Variants in LTBP2 observed in about 807,000 individuals in gnomAD.
LTBP2 encodes latent-transforming growth factor beta-binding protein 2.
LTBP2 carries 103 observed loss-of-function variants against 210.6 expected under a neutral mutation model. The observed-to-expected ratio is 0.49, with a 90% CI of 0.42 to 0.58. The LOEUF is 0.58. LTBP2 is among the 20% of genes least tolerant of loss of function. The probability of loss-of-function intolerance (pLI) is 0.00; values close to 1 mark genes in which losing one functional copy is unlikely to be tolerated. For synonymous variants in LTBP2, 1,007 were observed against 1,015.0 expected (o/e 0.99, Z 0.15); for missense variants, 2,313 against 2,494.5 (o/e 0.93, Z 1.55).
intron 3 of LTBP2, among the ~76,000 whole-genome samples, chr14:74,578,562 C>G (rs1248824425): frequency 1.3e-5 from 2 of 152,160 alleles, no homozygotes; most frequent in African/African-American, 4.8e-5. Context: ...CCACCAGACT[C>G]TAATCCTCAG....
At chr14:74,556,867 C>A (rs914521280) in intron 3 of LTBP2, among the ~76,000 whole-genome samples, 4 of 152,082 alleles carry the variant, frequency 2.6e-5, no homozygotes, top group African/African-American at 9.7e-5. Flanking sequence ...ACTTTGTCTT[C>A]TGTTAAAATA....
chr14:74,573,255 CAG>C (rs543094698), intron 3 of LTBP2, among the ~76,000 whole-genome samples: 58 of 152,342 alleles, frequency 3.8e-4, no homozygotes, highest in African/African-American at 1.3e-3. Context: ...CCCTTACCCT[CAG>C]TGTCCTCATT....
Position 74,611,773 on chromosome 14 carries a change from C to T in LTBP2, c.172G>A (p.Gly58Ser). The T allele has an allele frequency of 6.2e-7, 1 of 1,609,774 alleles. No individual in the cohort carries two copies. The highest frequency in any genetic ancestry group is 8.5e-7 in the Non-Finnish European group (1 of 1,179,532). The change falls in exon 1 of 36, where the codon GGC becomes AGC. Residue 58 changes from glycine to serine, a missense_variant. By Grantham distance (56) the Gly-to-Ser change is moderately conservative (BLOSUM62 0). Coordinates refer to ENST00000261978, the MANE Select transcript of LTBP2 (RefSeq NM_000428.3). Reference protein sequence around the residue: ...GDANRLRRPGGSYPAAAAAKV... With the variant: ...GDANRLRRPGSSYPAAAAAKV... ...GCTGCAGCCGCTGCCGGGTAGCTGC[C>T]CCCAGGGCGCCGCAGTCGATTCGCG...
At chr14:74,578,647 A>T (rs891228858) in intron 3 of LTBP2, among the ~76,000 whole-genome samples, 1 of 152,216 alleles carries the variant, frequency 6.6e-6, no homozygotes, top group African/African-American at 2.4e-5. Flanking sequence ...CCTTCCTGCC[A>T]GCCAAGCCTG....
rs770223679 is a variant in LTBP2, at chr14:74,503,546, G to A, written c.4643C>T (p.Ser1548Phe). 1 of 1,613,744 alleles carries A rather than the reference G, an allele frequency of 6.2e-7. No homozygotes were observed. Among genetic ancestry groups the A allele is most frequent in the African/African-American group, 1.3e-5 (1 of 74,944 alleles). Residue 1548 changes from serine to phenylalanine, a missense_variant, in exon 32 of 36, where the codon TCC (serine) becomes TTC (phenylalanine). Around this residue, in one of 3 missense-constraint regions of LTBP2, gnomAD observed 443 missense variants for 501.4 expected, o/e 0.88. Transcript: ENST00000261978. ...ENGECVNTEG[S>F]FHCFCSPPLT... is the part of the protein sequence containing the mutation. ...CGGGGGGCTGCAGAAGCAGTGGAAG[G>A]AGCCCTCCGTGTTGACGCACTCGCC...
chr14:74,600,532 T>G (rs2088431994), intron 2 of LTBP2, among the ~76,000 whole-genome samples: 2 of 152,114 alleles, frequency 1.3e-5, no homozygotes, highest in African/African-American at 4.8e-5. Context: ...AACTCCAGTT[T>G]GGCAGAGAAT....
In LTBP2 at chr14:74,611,959, G is replaced by A; in HGVS notation, c.-15C>T. On this transcript the variant is annotated 5_prime_UTR_variant, in exon 1 of 36. Transcript: ENST00000261978. ...CGCGGCCTCATGGCGCGGGGCGGCT[G>A]GAGAGTGGTGCGCGCGGGCACCGCG... 7 of 1,555,642 alleles carry A rather than the reference G, an allele frequency of 4.5e-6. No individual in the cohort carries two copies. Among genetic ancestry groups the A allele is most frequent in the Non-Finnish European group, 6.0e-6 (7 of 1,157,594 alleles).
In LTBP2 at chr14:74,499,562, T is replaced by G. The variant is rs961005039; in HGVS notation, c.*1322A>C. On this transcript the variant is annotated 3_prime_UTR_variant, in exon 36 of 36. Coordinates refer to ENST00000261978, the MANE Select transcript of LTBP2 (RefSeq NM_000428.3). ...CACATGGAGCCTTGTTCATTTACAT[T>G]GCCATTCATCAGAGAAGTACGAAGT... is the stretch of plus-strand genomic sequence containing the variant. 1 of 228,498 alleles carries G rather than the reference T, an allele frequency of 4.4e-6. No homozygotes were observed. Among genetic ancestry groups the G allele is most frequent in the Non-Finnish European group, 8.7e-6 (1 of 115,086 alleles). 14.2% of individuals were successfully genotyped at this position (228,498 alleles called of 1,614,324 possible).
At chr14:74,600,415 T>C (rs369318362) in intron 2 of LTBP2, among the ~76,000 whole-genome samples, 1 of 151,994 alleles carries the variant, frequency 6.6e-6, no homozygotes, top group Non-Finnish European at 1.5e-5. Context: ...GCATCCTACC[T>C]CAGCATCCTG....
intron 8 of LTBP2, among the ~76,000 whole-genome samples, chr14:74,537,925 T>C (rs2087443660): frequency 6.6e-6 from 1 of 152,130 alleles, no homozygotes; most frequent in Non-Finnish European, 1.5e-5. Context: ...TGGCTAACTT[T>C]TGTATCTTTA....
chr14:74,505,431 C>G (rs778950166), intron 28 of LTBP2, among the ~76,000 whole-genome samples: 14 of 152,188 alleles, frequency 9.2e-5, no homozygotes, highest in Non-Finnish European at 1.3e-4. Flanking sequence ...CAGCAGGGAT[C>G]TGACCCCAGT....
chr14:74,555,633 A>T lies in LTBP2; in HGVS notation c.891T>A (p.Thr297=), dbSNP rs2087719056. The part of the protein sequence containing the change: ...PSQQHVGLSR[T]VRLHPTATAS... ...CCGTGGCAGTCGGGTGAAGTCGGAC[A>T]GTGCGGGACAACCCCACGTGCTGCT... Residue 297 remains threonine, a synonymous_variant, in exon 4 of 36, where the codon ACT becomes ACA. Transcript: ENST00000261978. The T allele has an allele frequency of 6.3e-7, 1 of 1,597,680 alleles. No homozygotes were observed. The highest frequency in any genetic ancestry group is 8.6e-7 in the Non-Finnish European group (1 of 1,168,918).
intron 34 of LTBP2, chr14:74,501,837 G>T: frequency 1.8e-6 from 1 of 555,810 alleles, no homozygotes; most frequent in Non-Finnish European, 3.2e-6. Context: ...CAGGGAGGCT[G>T]AGACTCGCTG....
At position 74,532,508 on chromosome 14, in the gene LTBP2, C is replaced by A. The variant is rs140743368; in HGVS notation, c.1905G>T (p.Ala635=). The A allele has an allele frequency of 6.2e-7, 1 of 1,614,164 alleles. No individual in the cohort carries two copies. The highest frequency in any genetic ancestry group is 2.2e-5 in the East Asian group (1 of 44,882). The change falls in exon 10 of 36, where the codon GCG becomes GCT. Residue 635 remains alanine (A), a synonymous_variant. Transcript: ENST00000261978. ...ECLTLGLCKD[A]ECVNTRGSYL... ...AGCTGCCCCTGGTATTCACACACTC[C>A]GCGTCCTTGCACAGGCCCAGGGTCA... is the stretch of plus-strand genomic sequence containing the variant.
rs1291236678 is a variant in LTBP2, at chr14:74,521,969, G to A, written c.2730C>T (p.Ser910=). 2 of 1,614,074 alleles carry A rather than the reference G, an allele frequency of 1.2e-6. No individual in the cohort carries two copies. The highest frequency in any genetic ancestry group is 1.3e-5 in the African/African-American group (1 of 74,944). Residue 910 remains serine, a synonymous_variant, in exon 17 of 36, where the codon TCC becomes TCT. Transcript: ENST00000261978. ...GRCINRVGSY[S]CFCYPGYTLA... ...GAGTGTAGCCAGGGTAGCAGAAGCA[G>A]GAGTAGGACCCCACGCGGTTGATGC...
chr14:74,554,187 A>T (rs1052381568), intron 4 of LTBP2, among the ~76,000 whole-genome samples: 2 of 152,184 alleles, frequency 1.3e-5, no homozygotes, highest in Non-Finnish European at 2.9e-5. Flanking sequence ...TACACACAGC[A>T]ACATGGATAA....
Position 74,563,809 on chromosome 14 carries a change from T to C in LTBP2, c.831-8116A>G, listed in dbSNP as rs141190647. On this transcript the variant is annotated intron_variant, in intron 3 of 35. Transcript: ENST00000261978. The stretch of plus-strand genomic sequence containing the variant: ...CACAGAAAATCTAAAATATTTACTG[T>C]CTGGCCATTTATGGAAGTCTGCTGG... 5.3e-3 allele frequency among the ~76,000 whole-genome samples: 796 copies of C among 151,230 alleles called. 8 individuals carry two copies. The highest frequency in any genetic ancestry group is 0.019 in the African/African-American group (774 of 41,122).
intron 3 of LTBP2, among the ~76,000 whole-genome samples, chr14:74,557,655 G>A (rs1028331225): frequency 6.6e-6 from 1 of 152,106 alleles, no homozygotes; most frequent in African/African-American, 2.4e-5. Context: ...TTATTATTGG[G>A]CAGGCTGTTC....
In LTBP2 at chr14:74,525,238, G is replaced by C; in HGVS notation, c.2429-13C>G. 7.7e-7 allele frequency: 1 copy of C among 1,302,560 alleles called. No homozygotes were observed. 80.7% of individuals were successfully genotyped at this position (1,302,560 alleles called of 1,614,324 possible). ...GTTGTGGCATTCCCTGTGGAGGAGA[G>C]AGGGGAAGAGGTGGGGTTGTGGCCC... is the stretch of plus-strand genomic sequence containing the variant. On this transcript the variant is annotated splice_polypyrimidine_tract_variant and intron_variant, in intron 14 of 35. Coordinates refer to ENST00000261978, the MANE Select transcript of LTBP2 (RefSeq NM_000428.3).
Sources: gnomAD v4.1 joint callset for allele counts (sites outside exome capture counted in the v4.1 genomes callset) on GRCh38, gnomAD v4.1.1 for gene constraint, gnomAD v4.1.1 regional missense constraint, MANE v1.5 for transcripts, NCBI Gene and HGNC (gene_info 2026-07-23, HGNC 2026-07-21) for gene names.